FHL5: variants seen among roughly 807,000 people sequenced by gnomAD.
FHL5 encodes the protein four and a half LIM domains protein 5.
FHL5 carries 33 observed loss-of-function variants against 32.0 expected under a neutral mutation model. The ratio of observed to expected loss-of-function variants is 1.03; its 90% confidence interval spans 0.78 to 1.38. The LOEUF (loss-of-function observed/expected upper bound fraction) is 1.38, where lower values mean the gene tolerates loss of function less well. Among genes scored for constraint, FHL5 ranks in the 40% most tolerant of loss-of-function variants. The pLI, the probability that FHL5 is intolerant of heterozygous loss-of-function variation, is 0.00. For synonymous variants in FHL5, 114 were observed against 113.6 expected (o/e 1.00, Z -0.02); for missense variants, 336 against 343.9 (o/e 0.98, Z 0.18).
chr6:96,579,343 T>TATG (rs202064692), intron 1 of FHL5, among the ~76,000 whole-genome samples: 1,765 of 152,288 alleles, frequency 0.012, 33 homozygotes, highest in African/African-American at 0.034. Flanking sequence ...ACAGTACCAT[T>TATG]ATAACAAATT....
intron 1 of FHL5, among the ~76,000 whole-genome samples, chr6:96,579,019 TA>T: frequency 6.6e-6 from 1 of 152,154 alleles, no homozygotes; most frequent in Non-Finnish European, 1.5e-5. Flanking sequence ...TTCAAATCTG[TA>T]AAATGAGGAC....
chr6:96,580,430 T>C (rs1320917908), intron 1 of FHL5, among the ~76,000 whole-genome samples: 3 of 152,136 alleles, frequency 2.0e-5, no homozygotes, highest in Non-Finnish European at 4.4e-5. Context: ...AGGTAGAATA[T>C]AAAAAGTATC....
intron 1 of FHL5, among the ~76,000 whole-genome samples, chr6:96,593,341 G>A (rs1770961623): frequency 6.6e-6 from 1 of 151,964 alleles, no homozygotes; most frequent in South Asian, 2.1e-4. Context: ...GTCTTCTTCT[G>A]AACATGGTCA....
intron 1 of FHL5, among the ~76,000 whole-genome samples, chr6:96,584,455 G>T (rs111835060): frequency 0.015 from 1,827 of 124,074 alleles, 7 homozygotes; most frequent in African/African-American, 0.032. Flanking sequence ...GTGTGTGTGT[G>T]TGTGTTTGTG....
chr6:96,572,929 G>T (rs1770509825), intron 1 of FHL5, among the ~76,000 whole-genome samples: 1 of 152,160 alleles, frequency 6.6e-6, no homozygotes, highest in African/African-American at 2.4e-5. Context: ...AAATGCAGCT[G>T]CTTTTCCATT....
At chr6:96,604,657 AC>A in intron 2 of FHL5, 92 bp from the exon 3 acceptor site, 1 of 909,176 alleles carries the variant, frequency 1.1e-6, no homozygotes, top group Non-Finnish European at 1.6e-6. Context: ...CAACCTACTG[AC>A]ATGAGAGTCC....
chr6:96,602,422 G>GTTCCTTTTT (rs1562062425), intron 1 of FHL5, among the ~76,000 whole-genome samples: 22 of 26,606 alleles, frequency 8.3e-4, no homozygotes, highest in African/African-American at 2.5e-3. Flanking sequence ...TATATGCGTT[G>GTTCCTTTTT]TTTCTTTTTT....
At chr6:96,566,445 T>G (rs143797757) in intron 1 of FHL5, among the ~76,000 whole-genome samples, 1 of 152,004 alleles carries the variant, frequency 6.6e-6, no homozygotes, top group South Asian at 2.1e-4. Context: ...GTGTTGTGAG[T>G]AGTGCTGCAA....
intron 1 of FHL5, among the ~76,000 whole-genome samples, chr6:96,583,768 T>G (rs1271128849): frequency 1.3e-5 from 2 of 152,104 alleles, no homozygotes; most frequent in African/African-American, 4.8e-5. Context: ...AAACTCTCCC[T>G]GCCATGGCAG....
At position 96,615,730 on chromosome 6, in the gene FHL5, C is replaced by T; in HGVS notation, c.813C>T (p.Ile271=). 3.1e-6 allele frequency: 5 copies of T among 1,611,608 alleles called. No homozygotes were observed. Among genetic ancestry groups the T allele is most frequent in the South Asian group, 1.1e-5 (1 of 90,506 alleles). The change falls in exon 6 of 6, where the codon ATC becomes ATT. Residue 271 remains isoleucine (I), a synonymous_variant. Transcript: ENST00000450218. The part of the protein sequence containing the change: ...GKGFLTQNKE[I]FCQKCGSGMD... ...GCTTCCTGACCCAGAACAAGGAAAT[C>T]TTCTGCCAAAAATGTGGCTCCGGAA...
intron 1 of FHL5, among the ~76,000 whole-genome samples, chr6:96,599,500 C>G (rs1211429605): frequency 6.6e-6 from 1 of 152,090 alleles, no homozygotes. Context: ...GCCAAACTTA[C>G]ATCTTTTTAG....
chr6:96,580,117 C>T (rs1420021300), intron 1 of FHL5, among the ~76,000 whole-genome samples: 1 of 152,184 alleles, frequency 6.6e-6, no homozygotes, highest in Non-Finnish European at 1.5e-5. Flanking sequence ...ATGCTTACCA[C>T]ACCCTTACCT....
chr6:96,569,582 T>G, intron 1 of FHL5, among the ~76,000 whole-genome samples: 1 of 151,910 alleles, frequency 6.6e-6, no homozygotes, highest in Non-Finnish European at 1.5e-5. Flanking sequence ...GTTTAATTAT[T>G]TGCTTTATAA....
At chr6:96,603,369 T>C (rs1356566879) in intron 1 of FHL5, among the ~76,000 whole-genome samples, 2 of 152,158 alleles carry the variant, frequency 1.3e-5, no homozygotes, top group African/African-American at 4.8e-5. Context: ...GCAGGTTTTA[T>C]GCATTTTTTT....
rs1247724680 is a variant in FHL5, at chr6:96,610,586, T to G, written c.519T>G (p.Gly173=). ...CNFCKKVITS[G]GITFCDQLWH... ...GTCTTTGGCAGGTGATAACTTCAGGTGGGATAACATTTTGTGACCAGCTAT... is the reference window on the plus strand; with the variant it reads ...GTCTTTGGCAGGTGATAACTTCAGGGGGGATAACATTTTGTGACCAGCTAT... The change falls in exon 5 of 6, where the codon GGT becomes GGG. Residue 173 remains glycine (G), a synonymous_variant. Transcript: ENST00000450218. The G allele has an allele frequency of 6.2e-7, 1 of 1,613,608 alleles. No homozygotes were observed. The highest frequency in any genetic ancestry group is 8.5e-7 in the Non-Finnish European group (1 of 1,179,644).
chr6:96,591,797 A>G (rs1399116630), intron 1 of FHL5, among the ~76,000 whole-genome samples: 1 of 152,036 alleles, frequency 6.6e-6, no homozygotes, highest in Non-Finnish European at 1.5e-5. Flanking sequence ...CCAGTTTGAG[A>G]AATAAAGGGA....
At chr6:96,609,016 G>T (rs539349320) in intron 4 of FHL5, among the ~76,000 whole-genome samples, 114 of 152,140 alleles carry the variant, frequency 7.5e-4, no homozygotes, top group Non-Finnish European at 7.2e-4. Context: ...TAAGGCATTG[G>T]AAGTCAGTAG....
At chr6:96,593,869 G>A (rs890968899) in intron 1 of FHL5, among the ~76,000 whole-genome samples, 4 of 151,846 alleles carry the variant, frequency 2.6e-5, no homozygotes, top group African/African-American at 9.7e-5. Flanking sequence ...CTTCTCTAGT[G>A]GTTCACAGCA....
chr6:96,610,115 G>T (rs2127974854), intron 4 of FHL5, among the ~76,000 whole-genome samples: 1 of 152,288 alleles, frequency 6.6e-6, no homozygotes, highest in Middle Eastern at 3.4e-3. Flanking sequence ...TAGACAGGTA[G>T]TTATAAGAAC....
Sources: allele counts gnomAD v4.1 joint callset (sites outside exome capture counted in the v4.1 genomes callset), GRCh38; gene constraint gnomAD v4.1.1; transcripts MANE v1.5; gene names NCBI Gene and HGNC (gene_info 2026-07-23, HGNC 2026-07-21).